WWP2: variants seen among roughly 807,000 people sequenced by gnomAD.
WWP2 encodes the protein WW domain containing E3 ubiquitin protein ligase 2, also known as NEDD4-like E3 ubiquitin-protein ligase WWP2.
In WWP2, 57 loss-of-function variants were observed where a neutral mutation model predicts 121.0. The ratio of observed to expected loss-of-function variants is 0.47; its 90% CI spans 0.38 to 0.59. The LOEUF (loss-of-function observed/expected upper bound fraction) is 0.59. Among genes scored for constraint, WWP2 ranks in the 20% least tolerant of loss-of-function variants. The probability of loss-of-function intolerance (pLI) is 0.00; values close to 1 mark genes in which losing one functional copy is unlikely to be tolerated. For synonymous variants in WWP2, 449 were observed against 441.3 expected (o/e 1.02, Z -0.22); for missense variants, 962 against 1,158.9 (o/e 0.83, Z 2.47).
intron 8 of WWP2, among the ~76,000 whole-genome samples, chr16:69,902,751 TG>T (rs962059394): frequency 6.6e-6 from 1 of 152,040 alleles, no homozygotes; most frequent in Admixed American, 6.6e-5. Flanking sequence ...TTTCTTGGCA[TG>T]GGGGGGACCA....
intron 1 of WWP2, among the ~76,000 whole-genome samples, chr16:69,762,818 C>A (rs186623289): frequency 6.6e-6 from 1 of 152,302 alleles, no homozygotes; most frequent in East Asian, 1.9e-4. Flanking sequence ...AAGATGCTGC[C>A]TGGACCCCCT....
At chr16:69,774,446 G>T (rs935031672) in intron 1 of WWP2, among the ~76,000 whole-genome samples, 1 of 152,062 alleles carries the variant, frequency 6.6e-6, no homozygotes, top group Non-Finnish European at 1.5e-5. Context: ...TTGTTGAGAC[G>T]AGGTTTTGCC....
intron 4 of WWP2, among the ~76,000 whole-genome samples, chr16:69,816,477 TTATA>T (rs1313509965): frequency 2.7e-5 from 4 of 148,174 alleles, no homozygotes; most frequent in African/African-American, 9.8e-5. Context: ...TATATATACT[TTATA>T]TATGTAATAT....
intron 4 of WWP2, among the ~76,000 whole-genome samples, chr16:69,806,953 T>TATTCATTCATTCATTCATTCATTCATTC (rs200681828): frequency 6.8e-6 from 1 of 146,062 alleles, no homozygotes; most frequent in Non-Finnish European, 1.5e-5. Flanking sequence ...TTTATTTATT[T>TATTCATTCATTCATTCATTCATTCATTC]ATTCATTCAT....
At position 69,925,330 on chromosome 16, in the gene WWP2, G is replaced by A; in HGVS notation, c.1180-100G>A. The A allele has an allele frequency of 1.3e-6, 2 of 1,558,186 alleles. No homozygotes were observed. The highest frequency in any genetic ancestry group is 2.3e-5 in the East Asian group (1 of 44,076). ...CATTCCCTGCAAAGCGCTCAAATGT[G>A]GAAGCCAGTCATTGGCATTTTTATT... On this transcript the variant is annotated intron_variant, in intron 10 of 23. Transcript: ENST00000359154. This position sits in a 1 kb window ranked among gnomAD's most constrained non-coding sequence, Gnocchi z 4.0.
intron 21 of WWP2, 32 bp from the exon 22 acceptor site, chr16:69,938,995 G>GC (rs1567449081): frequency 6.4e-7 from 1 of 1,574,148 alleles, no homozygotes; most frequent in African/African-American, 1.3e-5. Flanking sequence ...CCCGTGGGTT[G>GC]CCTGACTGTG....
In WWP2 at chr16:69,930,162, G is replaced by A; in HGVS notation, c.1349G>A (p.Trp450Ter). 5 of 1,614,122 alleles carry A rather than the reference G, an allele frequency of 3.1e-6. No individual in the cohort carries two copies. The highest frequency in any genetic ancestry group is 4.2e-6 in the Non-Finnish European group (5 of 1,180,006). Reference sequence around the variant, plus strand: ...CAGGAACCAGCTCTGCCCCCAGGATGGGAGATGAAATACACCAGCGAGGGG... The same window carrying A: ...CAGGAACCAGCTCTGCCCCCAGGATAGGAGATGAAATACACCAGCGAGGGG... The part of the protein sequence containing the change: ...MIQEPALPPG[W>*]EMKYTSEGVR... The change falls in exon 13 of 24, where the codon TGG becomes TAG. Residue 450 changes from tryptophan (W) to a stop codon, truncating the protein, a stop_gained. Coordinates refer to ENST00000359154, the MANE Select transcript of WWP2 (RefSeq NM_001270454.2). LOFTEE classifies it high-confidence loss of function.
At chr16:69,810,277 C>T (rs372851157) in intron 4 of WWP2, among the ~76,000 whole-genome samples, 2 of 144,872 alleles carry the variant, frequency 1.4e-5, no homozygotes, top group Non-Finnish European at 3.0e-5. Context: ...GGATGGTCAA[C>T]CTGGGCTGAC....
At chr16:69,905,433 A>C (rs747369807) in intron 8 of WWP2, among the ~76,000 whole-genome samples, 5 of 152,194 alleles carry the variant, frequency 3.3e-5, no homozygotes, top group Non-Finnish European at 7.3e-5. Context: ...CTGTGGACCC[A>C]TTACAGGTTG....
At chr16:69,826,092 C>T (rs1247437227) in intron 4 of WWP2, among the ~76,000 whole-genome samples, 1 of 150,826 alleles carries the variant, frequency 6.6e-6, no homozygotes, top group Non-Finnish European at 1.5e-5. Context: ...CATCATGAAA[C>T]CCCATCTGCA....
At chr16:69,848,873 A>T (rs1393420296) in intron 6 of WWP2, among the ~76,000 whole-genome samples, 2 of 152,094 alleles carry the variant, frequency 1.3e-5, no homozygotes, top group African/African-American at 2.4e-5. Context: ...GCATTTTAAG[A>T]TGTCTTTCCC....
chr16:69,812,365 A>G (rs1374209825), intron 4 of WWP2, among the ~76,000 whole-genome samples: 1 of 150,916 alleles, frequency 6.6e-6, no homozygotes, highest in Non-Finnish European at 1.5e-5. Flanking sequence ...GGGTTTCATC[A>G]TGTTGGCCAG....
At chr16:69,795,257 G>GACAC (rs1177783299) in intron 2 of WWP2, among the ~76,000 whole-genome samples, 42 of 56,558 alleles carry the variant, frequency 7.4e-4, no homozygotes, top group African/African-American at 3.3e-3. Context: ...AAAAAATGCG[G>GACAC]ATACACACAC....
chr16:69,876,353 G>C (rs1288081917), intron 7 of WWP2, among the ~76,000 whole-genome samples: 1 of 147,152 alleles, frequency 6.8e-6, no homozygotes, highest in African/African-American at 2.5e-5. Flanking sequence ...TGTTTTTTGG[G>C]GTTTTTTTTT....
At chr16:69,776,383 A>AT (rs1339938128) in intron 1 of WWP2, 1 of 152,140 alleles carries the variant, frequency 6.6e-6, no homozygotes, top group Non-Finnish European at 1.5e-5. Context: ...GTAAAGAAGG[A>AT]TTTTTTCTTC....
At chr16:69,805,373 A>G (rs1180742075) in intron 4 of WWP2, among the ~76,000 whole-genome samples, 2 of 152,048 alleles carry the variant, frequency 1.3e-5, no homozygotes, top group African/African-American at 4.8e-5. Flanking sequence ...GACACTGATA[A>G]TTTTGTTAAT....
chr16:69,880,047 G>C (rs1487348254), intron 7 of WWP2, among the ~76,000 whole-genome samples: 1 of 149,662 alleles, frequency 6.7e-6, no homozygotes, highest in Non-Finnish European at 1.5e-5. Context: ...ACTTTTTTCT[G>C]TTTTCGCTTG....
intron 4 of WWP2, among the ~76,000 whole-genome samples, chr16:69,805,794 T>C (rs9933646): frequency 0.011 from 1,587 of 150,872 alleles, 27 homozygotes; most frequent in African/African-American, 0.037. Context: ...TTTTTTTTTT[T>C]AGAGATGGTA....
chr16:69,852,772 G>A (rs1455386496), intron 6 of WWP2, among the ~76,000 whole-genome samples: 2 of 152,050 alleles, frequency 1.3e-5, no homozygotes, highest in East Asian at 1.9e-4. Flanking sequence ...CCCAGTCTGC[G>A]GCTTGTCTTC....
Sources: allele counts gnomAD v4.1 joint callset (sites outside exome capture counted in the v4.1 genomes callset), GRCh38; gene constraint gnomAD v4.1.1; non-coding constraint Gnocchi (gnomAD v3.1); transcripts MANE v1.5; gene names NCBI Gene and HGNC (gene_info 2026-07-23, HGNC 2026-07-21).